Variants in PHLPP1 observed in about 807,000 individuals in gnomAD.
PHLPP1 encodes PH domain and leucine rich repeat protein phosphatase 1.
A neutral mutation model predicts 117.2 loss-of-function variants in PHLPP1; 42 were observed. The observed-to-expected ratio is 0.36, with a 90% CI of 0.28 to 0.46. The LOEUF is 0.46. PHLPP1 is among the 20% of genes least tolerant of loss of function. PHLPP1 has a pLI of 1.00. For missense variants in PHLPP1, 2,084 were observed against 2,241.9 expected, an observed-to-expected ratio of 0.93 and a Z score of 1.42; for synonymous variants, 1,042 against 970.7, an observed-to-expected ratio of 1.07 and a Z score of -1.37.
intron 1 of PHLPP1, among the ~76,000 whole-genome samples, chr18:62,784,949 G>A (rs1913234415): frequency 6.6e-6 from 1 of 152,098 alleles, no homozygotes; most frequent in African/African-American, 2.4e-5. Flanking sequence ...GAGGAGGGGA[G>A]AATAATTTGA....
chr18:62,808,051 C>T (rs1276317973), intron 1 of PHLPP1, among the ~76,000 whole-genome samples: 1 of 152,098 alleles, frequency 6.6e-6, no homozygotes, highest in Non-Finnish European at 1.5e-5. Flanking sequence ...CTGTCTTGAC[C>T]AAAAAGTTAT....
intron 10 of PHLPP1, among the ~76,000 whole-genome samples, chr18:62,939,644 T>TA (rs1285219207): frequency 6.6e-6 from 1 of 151,882 alleles, no homozygotes; most frequent in Non-Finnish European, 1.5e-5. Flanking sequence ...CTTCCTTTTT[T>TA]TTTTTTTTAA....
chr18:62,847,726 A>G (rs1915217691), intron 3 of PHLPP1, among the ~76,000 whole-genome samples: 1 of 152,182 alleles, frequency 6.6e-6, no homozygotes, highest in African/African-American at 2.4e-5. Context: ...AGTCTTCAAC[A>G]ACAAACGACT....
chr18:62,903,740 A>C (rs1310621513), intron 7 of PHLPP1, among the ~76,000 whole-genome samples: 1 of 151,536 alleles, frequency 6.6e-6, no homozygotes, highest in East Asian at 1.9e-4. Flanking sequence ...ACTGCACTCC[A>C]GCCTGGTTGA....
chr18:62,790,366 A>T (rs541799817), intron 1 of PHLPP1, among the ~76,000 whole-genome samples: 4 of 152,312 alleles, frequency 2.6e-5, no homozygotes, highest in African/African-American at 7.2e-5. Flanking sequence ...ATGTTTTATG[A>T]ATATCATTTA....
chr18:62,833,921 C>A (rs1914820332), intron 2 of PHLPP1, among the ~76,000 whole-genome samples: 1 of 152,256 alleles, frequency 6.6e-6, no homozygotes, highest in East Asian at 1.9e-4. Context: ...AGTGGAGTTA[C>A]TATGCTGAAG....
chr18:62,785,492 T>G (rs1480411192), intron 1 of PHLPP1, among the ~76,000 whole-genome samples: 3 of 152,354 alleles, frequency 2.0e-5, no homozygotes, highest in African/African-American at 4.8e-5. Flanking sequence ...TGGGCAAGAT[T>G]GATCTACCTA....
chr18:62,919,919 C>A, intron 9 of PHLPP1, 40 bp from the exon 10 acceptor site: 1 of 1,468,450 alleles, frequency 6.8e-7, no homozygotes, highest in Non-Finnish European at 9.3e-7. Flanking sequence ...GTATTCTTTA[C>A]TCTTTTTCAT....
chr18:62,823,089 G>T (rs1914513503), intron 1 of PHLPP1, among the ~76,000 whole-genome samples: 1 of 152,156 alleles, frequency 6.6e-6, no homozygotes, highest in South Asian at 2.1e-4. Flanking sequence ...AAGAAAACAT[G>T]GGAGAAAATT....
chr18:62,841,974 G>A (rs1915064464), intron 3 of PHLPP1, among the ~76,000 whole-genome samples: 1 of 152,130 alleles, frequency 6.6e-6, no homozygotes, highest in South Asian at 2.1e-4. Flanking sequence ...TCCTAGCCAT[G>A]TGGCTATATC....
intron 1 of PHLPP1, among the ~76,000 whole-genome samples, chr18:62,822,447 A>AT (rs1443963950): frequency 1.1e-3 from 157 of 147,014 alleles, no homozygotes; most frequent in East Asian, 2.4e-3. Context: ...ACGCCCAGCT[A>AT]TTTTTTTTTT....
At chr18:62,773,303 T>C (rs995470571) in intron 1 of PHLPP1, among the ~76,000 whole-genome samples, 5 of 152,198 alleles carry the variant, frequency 3.3e-5, no homozygotes, top group African/African-American at 9.7e-5. Context: ...TAGCTACAAG[T>C]CTCCATAGGT....
Position 62,715,764 on chromosome 18 carries a change from C to T in PHLPP1, c.81C>T (p.Ala27=). 1 of 900,444 alleles carries T rather than the reference C, an allele frequency of 1.1e-6. No homozygotes were observed. The highest frequency in any genetic ancestry group is 1.4e-6 in the Non-Finnish European group (1 of 733,824). 55.8% of individuals were successfully genotyped at this position (900,444 alleles called of 1,614,324 possible). ...ACCGAGCTTCGGCTCCGGCGGCCGCCGCTGCGGCAGCAGCAGCAGCAGCGG... is the reference window on the plus strand; with the variant it reads ...ACCGAGCTTCGGCTCCGGCGGCCGCTGCTGCGGCAGCAGCAGCAGCAGCGG... The part of the protein sequence containing the change: ...REDRASAPAA[A]AAAAAAAAAA... Residue 27 remains alanine (A), a synonymous_variant, in exon 1 of 17, where the codon GCC becomes GCT. Coordinates refer to ENST00000262719, the MANE Select transcript of PHLPP1 (RefSeq NM_194449.4).
In PHLPP1 at chr18:62,838,848, C is replaced by T; in HGVS notation, c.1838C>T (p.Thr613Ile). 2 of 1,613,636 alleles carry T rather than the reference C, an allele frequency of 1.2e-6. No individual in the cohort carries two copies. The highest frequency in any genetic ancestry group is 1.1e-5 in the South Asian group (1 of 91,074). The change falls in exon 3 of 17, where the codon ACT (threonine) becomes ATT (isoleucine). Residue 613 changes from threonine (T) to isoleucine (I), a missense_variant. This residue lies in a region of PHLPP1 where 1,365 missense variants were observed against 1,605.9 expected (regional missense o/e 0.85). Coordinates refer to ENST00000262719, the MANE Select transcript of PHLPP1 (RefSeq NM_194449.4). ...AGCTCCTCTGGACCCCAAAGCCAGA[C>T]TTACTACATTTGCTTTGATACTTTC... ...AFSSSGPQSQTYYICFDTFTE... is the reference protein window; with the variant it reads ...AFSSSGPQSQIYYICFDTFTE...
intron 4 of PHLPP1, among the ~76,000 whole-genome samples, chr18:62,869,067 G>A (rs1358799122): frequency 6.6e-6 from 1 of 152,170 alleles, no homozygotes; most frequent in African/African-American, 2.4e-5. Flanking sequence ...TAACTCAGTG[G>A]TTTTCATTCT....
chr18:62,833,597 C>T (rs1013514051), intron 2 of PHLPP1, among the ~76,000 whole-genome samples: 10 of 151,878 alleles, frequency 6.6e-5, no homozygotes, highest in Non-Finnish European at 8.8e-5. Context: ...TAAGTTTTAC[C>T]GTGTATCTAT....
intron 1 of PHLPP1, among the ~76,000 whole-genome samples, chr18:62,814,157 A>G (rs1914201165): frequency 6.6e-6 from 1 of 152,168 alleles, no homozygotes; most frequent in South Asian, 2.1e-4. Context: ...AATTTGGGAG[A>G]TATAAATAAA....
intron 4 of PHLPP1, among the ~76,000 whole-genome samples, chr18:62,868,395 G>T (rs1173139861): frequency 6.6e-6 from 1 of 152,042 alleles, no homozygotes; most frequent in Non-Finnish European, 1.5e-5. Flanking sequence ...GGGAGGCTAA[G>T]GTGGGTGGAT....
chr18:62,803,877 C>T (rs898032959), intron 1 of PHLPP1, among the ~76,000 whole-genome samples: 9 of 152,158 alleles, frequency 5.9e-5, no homozygotes, highest in South Asian at 2.1e-4. Context: ...TAAGCTCAAC[C>T]GTTGTGGTTG....
Sources: allele counts gnomAD v4.1 joint callset (sites outside exome capture counted in the v4.1 genomes callset), GRCh38; gene constraint gnomAD v4.1.1; regional missense constraint gnomAD v4.1.1; transcripts MANE v1.5; gene names NCBI Gene and HGNC (gene_info 2026-07-23, HGNC 2026-07-21).